The following CLN6 variants were observed in gnomAD, a reference collection of about 807,000 sequenced individuals.
CLN6 encodes the protein ceroid-lipofuscinosis neuronal protein 6.
A neutral mutation model predicts 33.3 loss-of-function variants in CLN6; 22 were observed. The observed-to-expected ratio is 0.66, with a 90% CI of 0.47 to 0.94. CLN6 has a LOEUF of 0.94. CLN6 is among the 40% of genes least tolerant of loss of function. The pLI is 0.00. For synonymous variants in CLN6, 201 were observed against 174.6 expected, an observed-to-expected ratio of 1.15 and a Z score of -1.19; for missense variants, 387 against 417.1, an observed-to-expected ratio of 0.93 and a Z score of 0.63.
In CLN6 at chr15:68,227,079, C is replaced by T. The variant is rs1193187264; in HGVS notation, c.83+2423G>A. Among the ~76,000 whole-genome samples, 3 of 150,806 alleles carry T rather than the reference C, an allele frequency of 2.0e-5. No homozygotes were observed. Among genetic ancestry groups the T allele is most frequent in the African/African-American group, 7.3e-5 (3 of 40,972 alleles). On this transcript the variant is annotated intron_variant, in intron 1 of 6. Coordinates refer to ENST00000249806, the MANE Select transcript of CLN6 (RefSeq NM_017882.3). This position sits in a 1 kb window ranked among gnomAD's most constrained non-coding sequence, Gnocchi z 4.1. ...TTTTTTGAGACAGTCTCACTGTCATCCAGGCTGGAGTGCAGTGGCGCCATC... is the reference window on the plus strand; with the variant it reads ...TTTTTTGAGACAGTCTCACTGTCATTCAGGCTGGAGTGCAGTGGCGCCATC...
upstream of CLN6, chr15:68,257,153 C>T (rs973289258): frequency 9.5e-6 from 3 of 317,442 alleles, no homozygotes; most frequent in African/African-American, 6.4e-5. Flanking sequence ...TGCCCAGGGG[C>T]TGGAGGCAGC....
At chr15:68,237,363 G>T (rs34409319) in intron 1 of CLN6, among the ~76,000 whole-genome samples, 1 of 151,648 alleles carries the variant, frequency 6.6e-6, no homozygotes, top group Non-Finnish European at 1.5e-5. Context: ...GGCATGCTCC[G>T]GTAGTTCCAG....
intron 1 of CLN6, among the ~76,000 whole-genome samples, chr15:68,223,207 C>G (rs939304021): frequency 6.6e-6 from 1 of 151,776 alleles, no homozygotes; most frequent in Non-Finnish European, 1.5e-5. Flanking sequence ...CCTCAAAGCA[C>G]GGATGGATGA....
chr15:68,221,241 T>G (rs1463641253), intron 1 of CLN6, among the ~76,000 whole-genome samples: 1 of 19,862 alleles, frequency 5.0e-5, no homozygotes, highest in Non-Finnish European at 1.0e-4. Flanking sequence ...ACCCTCCCCC[T>G]CTCCCTCGCT....
At chr15:68,215,868 A>G (rs2093219164) in intron 2 of CLN6, among the ~76,000 whole-genome samples, 1 of 152,188 alleles carries the variant, frequency 6.6e-6, no homozygotes, top group South Asian at 2.1e-4. Context: ...GAGAAGAGTG[A>G]AAGGGGTGTT....
At chr15:68,249,876 G>T (rs552503176) in intron 1 of CLN6, among the ~76,000 whole-genome samples, 121 of 152,224 alleles carry the variant, frequency 7.9e-4, no homozygotes, top group African/African-American at 2.8e-3. Flanking sequence ...GGGTTCAAGC[G>T]ATTCTCCTGT....
intron 1 of CLN6, among the ~76,000 whole-genome samples, chr15:68,245,396 C>G (rs1160293798): frequency 6.6e-6 from 1 of 151,834 alleles, no homozygotes; most frequent in Non-Finnish European, 1.5e-5. Flanking sequence ...AACCTCATCT[C>G]TACAAAAAAA....
At chr15:68,231,131 A>C (rs2093267887), upstream of CLN6, among the ~76,000 whole-genome samples, 1 of 151,856 alleles carries the variant, frequency 6.6e-6, no homozygotes, top group South Asian at 2.1e-4. Context: ...TATTGGATTT[A>C]TTTCTTTCCC....
At chr15:68,235,016 AAAAC>A (rs1892205346) in intron 1 of CLN6, among the ~76,000 whole-genome samples, 1 of 152,164 alleles carries the variant, frequency 6.6e-6, no homozygotes, top group Non-Finnish European at 1.5e-5. Context: ...GATTCTGTCT[AAAAC>A]AAAACAAAAA....
At position 68,256,902 on chromosome 15, in the gene CLN6, G is replaced by A. The variant is rs1361000077; in HGVS notation, c.-34C>T. 4 of 660,848 alleles carry A rather than the reference G, an allele frequency of 6.1e-6. No individual in the cohort carries two copies. Among genetic ancestry groups the A allele is most frequent in the Non-Finnish European group, 1.1e-5 (4 of 365,062 alleles). 40.9% of individuals were successfully genotyped at this position (660,848 alleles called of 1,614,324 possible). A position where few individuals can be genotyped will look rare whatever the true frequency, so the allele number is the denominator to read the frequency against. On this transcript the variant is annotated 5_prime_UTR_variant, in exon 1 of 7. Coordinates refer to the CLN6 transcript ENST00000538696. The surrounding 1 kb of genome is among the most constrained non-coding windows in gnomAD (Gnocchi z 4.1). ...CAGGCAAGGTCCTGGGCGCGGCTCT[G>A]GGGAGGGTCAGGGTGCGCGTCCCAC...
chr15:68,229,564 CCGCCTCCGCGT>C lies in CLN6; in HGVS notation c.10_20del (p.Thr4AlafsTer28). The C allele has an allele frequency of 2.0e-6, 3 of 1,467,406 alleles. No homozygotes were observed. Among genetic ancestry groups the C allele is most frequent in the Non-Finnish European group, 2.7e-6 (3 of 1,114,276 alleles). The allele number at this position is 1,467,406 out of a possible 1,614,324, so 90.9% of individuals were successfully genotyped here. Reference sequence around the variant, plus strand: ...GGCCGCCCGTCGCTCCCAGGTGCTGCCGCCTCCGCGTCGCCTCCATGGCTGCCCCGCAGGCC... The same window carrying C: ...GGCCGCCCGTCGCTCCCAGGTGCTGCCGCCTCCATGGCTGCCCCGCAGGCC... On this transcript the variant is annotated frameshift_variant, in exon 1 of 7. Transcript: ENST00000249806.
At position 68,229,599 on chromosome 15, in the gene CLN6, C is replaced by G; in HGVS notation, c.-15G>C. On this transcript the variant is annotated 5_prime_UTR_variant, in exon 1 of 7. Transcript: ENST00000249806. Reference sequence around the variant, plus strand: ...GTCGCCTCCATGGCTGCCCCGCAGGCCCCTCGGCCCTGCCTTTCCGAGGAA... The same window carrying G: ...GTCGCCTCCATGGCTGCCCCGCAGGGCCCTCGGCCCTGCCTTTCCGAGGAA... 2 of 1,455,100 alleles carry G rather than the reference C, an allele frequency of 1.4e-6. No individual in the cohort carries two copies. Among genetic ancestry groups the G allele is most frequent in the Non-Finnish European group, 1.8e-6 (2 of 1,106,792 alleles). 90.1% of individuals were successfully genotyped at this position (1,455,100 alleles called of 1,614,324 possible).
upstream of CLN6, among the ~76,000 whole-genome samples, chr15:68,231,282 C>T (rs148861520): frequency 0.01 from 1,524 of 152,278 alleles, 79 homozygotes; most frequent in Admixed American, 0.091. Flanking sequence ...CCCTGGTCCC[C>T]TGAAGAACAC....
At chr15:68,249,778 A>AT (rs964280614) in intron 1 of CLN6, among the ~76,000 whole-genome samples, 36 of 152,036 alleles carry the variant, frequency 2.4e-4, no homozygotes, top group Non-Finnish European at 5.1e-4. Context: ...ATTTCTTATT[A>AT]TTTTTTTGTG....
Position 68,256,544 on chromosome 15 carries a change from A to C in CLN6, c.179+146T>G. 2.0e-6 allele frequency: 1 copy of C among 499,864 alleles called. No homozygotes were observed. Among genetic ancestry groups the C allele is most frequent in the East Asian group, 3.1e-5 (1 of 32,654 alleles). 31.0% of individuals were successfully genotyped at this position (499,864 alleles called of 1,614,324 possible). ...TTGTGTTATAGCACTCCTGTATCAC[A>C]GTATTTGTTATTACAATACTCTCTT... On this transcript the variant is annotated intron_variant, in intron 1 of 6. Coordinates refer to the CLN6 transcript ENST00000538696. The surrounding 1 kb of genome is among the most constrained non-coding windows in gnomAD (Gnocchi z 4.1).
intron 1 of CLN6, among the ~76,000 whole-genome samples, chr15:68,235,400 A>G (rs1258253013): frequency 6.6e-6 from 1 of 151,972 alleles, no homozygotes; most frequent in Admixed American, 6.5e-5. Context: ...ATTGTTTCAG[A>G]ATTGTCAACC....
rs2093203112 is a variant in CLN6 at position 68,210,927 on chromosome 15, C to T, written c.542+336G>A. On this transcript the variant is annotated intron_variant, in intron 5 of 6. Transcript: ENST00000249806. This position sits in a 1 kb window ranked among gnomAD's most constrained non-coding sequence, Gnocchi z 5.6. ...TGTTTATCAGGGACGCGTCCTCCTCCCCCACCCTCAGGGCTCAGGCTTGGC... is the reference window on the plus strand; with the variant it reads ...TGTTTATCAGGGACGCGTCCTCCTCTCCCACCCTCAGGGCTCAGGCTTGGC... 1.3e-5 allele frequency among the ~76,000 whole-genome samples: 2 copies of T among 152,290 alleles called. No individual in the cohort carries two copies. Among genetic ancestry groups the T allele is most frequent in the South Asian group, 4.1e-4 (2 of 4,826 alleles).
chr15:68,209,715 CA>C lies in CLN6; in HGVS notation c.586del (p.Cys196AlafsTer10). The C allele has an allele frequency of 6.2e-7, 1 of 1,613,814 alleles. No homozygotes were observed. Among genetic ancestry groups the C allele is most frequent in the Non-Finnish European group, 8.5e-7 (1 of 1,179,966 alleles). On this transcript the variant is annotated frameshift_variant, in exon 6 of 7. Transcript: ENST00000249806. LOFTEE classifies it high-confidence loss of function. This position sits in a 1 kb window ranked among gnomAD's most constrained non-coding sequence, Gnocchi z 4.9. Reference sequence around the variant, plus strand: ...GCTCTCAGCTTTAGAGGCAGTAAAGCAGCCGCTGAAGTACATGAAGAGGATG... The same window carrying C: ...GCTCTCAGCTTTAGAGGCAGTAAAGCGCCGCTGAAGTACATGAAGAGGATG... ...FLILFMYFSG[C>X]FTASKAESLI...
In CLN6 at chr15:68,218,516, G is replaced by T; in HGVS notation, c.198+20C>A. Reference sequence around the variant, plus strand: ...TGTCCTCAGTGCTGGTCAGAGCCCTGTGCACCATTTCACACTCACCATGGC... The same window carrying T: ...TGTCCTCAGTGCTGGTCAGAGCCCTTTGCACCATTTCACACTCACCATGGC... On this transcript the variant is annotated intron_variant, in intron 2 of 6. Transcript: ENST00000249806. The T allele has an allele frequency of 1.3e-6, 2 of 1,557,904 alleles. No homozygotes were observed. The highest frequency in any genetic ancestry group is 4.5e-5 in the East Asian group (2 of 44,560).
Sources: allele counts gnomAD v4.1 joint callset (sites outside exome capture counted in the v4.1 genomes callset), GRCh38; gene constraint gnomAD v4.1.1; non-coding constraint Gnocchi (gnomAD v3.1); transcripts MANE v1.5; gene names NCBI Gene and HGNC (gene_info 2026-07-23, HGNC 2026-07-21).